RBM26: variants seen among roughly 807,000 people sequenced by gnomAD.
The protein encoded by RBM26 is RNA-binding protein 26.
In RBM26, 30 loss-of-function variants were observed where a neutral mutation model predicts 123.6. The ratio of observed to expected loss-of-function variants is 0.24; its 90% CI spans 0.18 to 0.33. RBM26 has a LOEUF of 0.33. Ranked by LOEUF, RBM26 falls within the 10% of genes least tolerant of loss-of-function variation. The pLI, the probability that RBM26 is intolerant of heterozygous loss-of-function variation, is 1.00. For synonymous variants in RBM26, 400 were observed against 404.4 expected (o/e 0.99, Z 0.13); for missense variants, 947 against 1,203.6 (o/e 0.79, Z 3.15).
At chr13:79,378,664 T>C (rs1395024338) in intron 2 of RBM26, 125 bp downstream of exon 2, 1 of 511,330 alleles carries the variant, frequency 2.0e-6, no homozygotes, top group Non-Finnish European at 3.5e-6. Flanking sequence ...GGTCTTGAAC[T>C]CCTGACCTCA....
At chr13:79,316,192 G>GGTGTGTGTGTGTGTGTGTGTGTGTGTGT (rs3064578), downstream of RBM26, among the ~76,000 whole-genome samples, 27 of 142,092 alleles carry the variant, frequency 1.9e-4, 1 homozygote, top group African/African-American at 6.4e-4. Context: ...AAGTGGGGCA[G>GGTGTGTGTGTGTGTGTGTGTGTGTGTGT]GTGTGTGTGT....
At chr13:79,377,209 G>A in intron 3 of RBM26, 170 bp downstream of exon 3, 1 of 532,162 alleles carries the variant, frequency 1.9e-6, no homozygotes, top group East Asian at 2.9e-5. Context: ...AAATAAGCCA[G>A]GGCCATAAGC....
chr13:79,329,851 A>AT (rs1057066192), intron 20 of RBM26, among the ~76,000 whole-genome samples: 2 of 152,138 alleles, frequency 1.3e-5, no homozygotes, highest in South Asian at 2.1e-4. Flanking sequence ...GTAGTACTGT[A>AT]TTTTTTTAAG....
At chr13:79,405,518 A>C (rs2079453855) in intron 1 of RBM26, among the ~76,000 whole-genome samples, 186 bp downstream of exon 1, 1 of 150,844 alleles carries the variant, frequency 6.6e-6, no homozygotes, top group African/African-American at 2.4e-5. Flanking sequence ...ATAAAGCTCG[A>C]CTCAGGCTCT....
intron 1 of RBM26, among the ~76,000 whole-genome samples, chr13:79,394,205 T>TA (rs776597113): frequency 1.4e-4 from 22 of 152,226 alleles, no homozygotes; most frequent in Admixed American, 3.9e-4. Context: ...GCTAGCTCCT[T>TA]ACGACTTACC....
intron 14 of RBM26, among the ~76,000 whole-genome samples, chr13:79,349,069 TGTTA>T (rs2072783874): frequency 6.6e-6 from 1 of 152,194 alleles, no homozygotes; most frequent in African/African-American, 2.4e-5. Context: ...ATTGAAAAAC[TGTTA>T]GTCAAGTCAC....
At chr13:79,366,966 A>G (rs542131082) in intron 6 of RBM26, 94 bp from the exon 7 acceptor site, 134 of 1,036,054 alleles carry the variant, frequency 1.3e-4, no homozygotes, top group Non-Finnish European at 1.8e-4. Flanking sequence ...AAAAATATGA[A>G]TATTTTTAAT....
chr13:79,366,145 G>A lies in RBM26; in HGVS notation c.1186C>T (p.Pro396Ser), dbSNP rs754430413. ...GGAACAGAACTGGTTGCAGAGTTTG[G>A]AGGAGCATCCATGCCAGATGGCTGC... ...PLQPSGMDAP[P>S]NSATSSVPTV... is the part of the protein sequence containing the mutation. Residue 396 changes from proline (P) to serine (S), a missense_variant, in exon 8 of 22, where the codon CCA (proline) becomes TCA (serine). Physicochemically the swap from Pro to Ser is moderately conservative, Grantham distance 74. Around this residue, in one of 5 missense-constraint regions of RBM26, gnomAD observed 493 missense variants for 563.1 expected, o/e 0.88. Transcript: ENST00000438737. The A allele has an allele frequency of 6.2e-7, 1 of 1,613,990 alleles. No homozygotes were observed. Among genetic ancestry groups the A allele is most frequent in the Non-Finnish European group, 8.5e-7 (1 of 1,179,844 alleles).
At chr13:79,398,642 T>A (rs1344507026) in intron 1 of RBM26, among the ~76,000 whole-genome samples, 1 of 152,168 alleles carries the variant, frequency 6.6e-6, no homozygotes, top group Admixed American at 6.5e-5. Context: ...ATCTTGCACA[T>A]AGCAACATTC....
rs775220532 is a variant in RBM26 at position 79,377,374 on chromosome 13, G to T, written c.327+5C>A. ...AACCTGTAAGGTATTAACACAAATC[G>T]TTACCTCTTCCTTCTTTATATCTTT... On this transcript the variant is annotated splice_donor_5th_base_variant and intron_variant, in intron 3 of 21. Transcript: ENST00000438737. 1.9e-6 allele frequency: 3 copies of T among 1,612,350 alleles called. No homozygotes were observed. In the South Asian group the frequency reaches 3.3e-5, roughly 18 times the overall value.
intron 20 of RBM26, among the ~76,000 whole-genome samples, chr13:79,331,464 CAA>C (rs11452714): frequency 7.8e-5 from 10 of 128,712 alleles, no homozygotes; most frequent in African/African-American, 2.6e-4. Context: ...ACTAAAAATA[CAA>C]AAAAAAAAAA....
At chr13:79,332,707 G>A (rs1418193173) in intron 20 of RBM26, among the ~76,000 whole-genome samples, 1 of 152,032 alleles carries the variant, frequency 6.6e-6, no homozygotes, top group African/African-American at 2.4e-5. Flanking sequence ...ATGTAATTCA[G>A]TGCTAAAGTC....
intron 10 of RBM26, among the ~76,000 whole-genome samples, chr13:79,358,783 T>C (rs1189877540): frequency 2.0e-5 from 3 of 152,202 alleles, no homozygotes; most frequent in Non-Finnish European, 4.4e-5. Flanking sequence ...GTCAGCTTAC[T>C]AAAAAATATC....
At chr13:79,359,239 G>A (rs1367347913) in intron 10 of RBM26, among the ~76,000 whole-genome samples, 1 of 152,122 alleles carries the variant, frequency 6.6e-6, no homozygotes, top group African/African-American at 2.4e-5. Context: ...TGACAGGTCT[G>A]ATCTATACCT....
At chr13:79,331,011 T>C (rs1194884797) in intron 20 of RBM26, among the ~76,000 whole-genome samples, 2 of 151,608 alleles carry the variant, frequency 1.3e-5, no homozygotes, top group Non-Finnish European at 2.9e-5. Flanking sequence ...ATGATTCTCT[T>C]TCCCCCTATT....
At position 79,337,144 on chromosome 13, in the gene RBM26, T is replaced by G; in HGVS notation, c.2691A>C (p.Ala897=). 6.2e-7 allele frequency: 1 copy of G among 1,614,114 alleles called. No individual in the cohort carries two copies. The highest frequency in any genetic ancestry group is 8.5e-7 in the Non-Finnish European group (1 of 1,180,022). The change falls in exon 19 of 22, where the codon GCA becomes GCC. Residue 897 remains alanine (A), a synonymous_variant. Transcript: ENST00000438737. Reference sequence around the variant, plus strand: ...GATCTTCTCTATCGCTCTCCGTAAATGCAGAAATCTCCAATGCCCTGGGAC... The same window carrying G: ...GATCTTCTCTATCGCTCTCCGTAAAGGCAGAAATCTCCAATGCCCTGGGAC... The part of the protein sequence containing the change: ...DHRPRALEIS[A]FTESDREDLL...
chr13:79,360,480 C>A (rs1159463436), intron 9 of RBM26, among the ~76,000 whole-genome samples: 1 of 150,556 alleles, frequency 6.6e-6, no homozygotes, highest in Admixed American at 6.6e-5. Flanking sequence ...CTACCATCAC[C>A]CTCACCACAA....
intron 3 of RBM26, among the ~76,000 whole-genome samples, chr13:79,372,418 C>G (rs2075992416): frequency 6.6e-6 from 1 of 151,810 alleles, no homozygotes. Flanking sequence ...GCAAAATTGT[C>G]ATCTTCTAAA....
At chr13:79,315,069 T>TG, downstream of RBM26, 1 of 815,932 alleles carries the variant, frequency 1.2e-6, no homozygotes, top group Non-Finnish European at 1.8e-6. Flanking sequence ...CATCATAAAT[T>TG]GACCTCCAAC....
Sources: allele counts gnomAD v4.1 joint callset (sites outside exome capture counted in the v4.1 genomes callset), GRCh38; gene constraint gnomAD v4.1.1; regional missense constraint gnomAD v4.1.1; transcripts MANE v1.5; gene names NCBI Gene and HGNC (gene_info 2026-07-23, HGNC 2026-07-21).